NEB: variants seen among roughly 807,000 people sequenced by gnomAD.
NEB encodes the protein nebulin.
NEB carries 512 observed loss-of-function variants against 952.2 expected under a neutral mutation model. That is an observed-to-expected ratio of 0.54 (90% CI 0.50 to 0.58). The LOEUF is 0.58. Ranked by LOEUF, NEB falls within the 20% of genes least tolerant of loss-of-function variation. The pLI is 0.00. For missense variants in NEB, 8,428 were observed against 9,231.1 expected (o/e 0.91, Z 3.56); for synonymous variants, 2,900 against 3,149.8 (o/e 0.92, Z 2.66).
chr2:151,510,354 G>A (rs1266101242), intron 161 of NEB, among the ~76,000 whole-genome samples: 1 of 152,152 alleles, frequency 6.6e-6, no homozygotes, highest in Non-Finnish European at 1.5e-5. Flanking sequence ...GAAACTTTTG[G>A]TGGGCTTTTG....
intron 10 of NEB, among the ~76,000 whole-genome samples, chr2:151,715,232 T>C (rs572334924): frequency 1.3e-5 from 2 of 152,328 alleles, no homozygotes; most frequent in African/African-American, 4.8e-5. Context: ...AGGAAACATG[T>C]GGGAAATAAC....
Position 151,612,312 on chromosome 2 carries a change from C to T in NEB, c.11679G>A (p.Val3893=), listed in dbSNP as rs62174706. 2 of 1,613,746 alleles carry T rather than the reference C, an allele frequency of 1.2e-6. No individual in the cohort carries two copies. Among genetic ancestry groups the T allele is most frequent in the Admixed American group, 3.3e-5 (2 of 59,986 alleles). The change falls in exon 78 of 182, where the codon GTG becomes GTA. Residue 3893 remains valine, a synonymous_variant. Coordinates refer to ENST00000397345, the MANE Select transcript of NEB (RefSeq NM_001164508.2). The part of the protein sequence containing the change: ...VPIGSVEVEK[V]KRAGEILSDR... ...CACTCAGGATTTCTCCAGCTCTCTTCACTTTCTCGACCTCTACAGAGCCAA... is the reference window on the plus strand; with the variant it reads ...CACTCAGGATTTCTCCAGCTCTCTTTACTTTCTCGACCTCTACAGAGCCAA...
chr2:151,526,412 G>C (rs2085948989), intron 148 of NEB, 150 bp from the exon 149 acceptor site: 1 of 656,738 alleles, frequency 1.5e-6, no homozygotes, highest in East Asian at 2.7e-5. Context: ...ATATTCAAAA[G>C]GGTTTTTTCC....
At chr2:151,707,288 CAAAG>C (rs1319357978) in intron 12 of NEB, among the ~76,000 whole-genome samples, 1 of 152,062 alleles carries the variant, frequency 6.6e-6, no homozygotes, top group Non-Finnish European at 1.5e-5. Context: ...TCCTTGCCCT[CAAAG>C]AGAGAGATAC....
At chr2:151,486,176 C>T (rs1013905021) in intron 181 of NEB, 14 of 447,020 alleles carry the variant, frequency 3.1e-5, no homozygotes, top group African/African-American at 2.0e-4. Context: ...CTTCCCCCAC[C>T]AAAAGAGGCA....
intron 54 of NEB, among the ~76,000 whole-genome samples, chr2:151,649,324 C>T (rs977413130): frequency 1.3e-5 from 2 of 152,130 alleles, no homozygotes; most frequent in Admixed American, 6.5e-5. Flanking sequence ...TATCAATGCT[C>T]ATTCTAAGCT....
At chr2:151,716,553 T>C (rs545305923) in intron 10 of NEB, among the ~76,000 whole-genome samples, 1 of 152,306 alleles carries the variant, frequency 6.6e-6, no homozygotes, top group Admixed American at 6.5e-5. Context: ...TTTACTATAC[T>C]TACTAGATCC....
rs2099543051 is a variant in NEB at position 151,690,838 on chromosome 2, A to T, written c.2212-13T>A. On this transcript the variant is annotated splice_polypyrimidine_tract_variant and intron_variant, in intron 23 of 181. Transcript: ENST00000397345. ...CTTTGTAGGTATGCTAGAAAAGAAG[A>T]TGTTCTTTAATGAAATATCAGTATA... 6.6e-7 allele frequency: 1 copy of T among 1,516,476 alleles called. No homozygotes were observed. Among genetic ancestry groups the T allele is most frequent in the East Asian group, 2.4e-5 (1 of 42,124 alleles). The allele number at this position is 1,516,476 out of a possible 1,614,324, so 93.9% of individuals were successfully genotyped here. A position where few individuals can be genotyped will look rare whatever the true frequency, so the allele number is the denominator to read the frequency against.
At chr2:151,553,774 G>T in intron 126 of NEB, 54 bp downstream of exon 126, 1 of 1,506,894 alleles carries the variant, frequency 6.6e-7, no homozygotes, top group Non-Finnish European at 9.0e-7. Context: ...CTGCCTTCTG[G>T]GTGGGGCCGT....
chr2:151,489,308 T>C (rs993175182), intron 181 of NEB, among the ~76,000 whole-genome samples: 4 of 152,190 alleles, frequency 2.6e-5, no homozygotes, highest in African/African-American at 9.7e-5. Flanking sequence ...TCTGGTGAAC[T>C]GTGAAGATGA....
Position 151,662,181 on chromosome 2 carries a change from G to A in NEB, c.5924C>T (p.Ser1975Leu), listed in dbSNP as rs772257977. The change falls in exon 46 of 182, where the codon TCG (serine) becomes TTG (leucine). Residue 1975 changes from serine (S) to leucine (L), a missense_variant. Coordinates refer to ENST00000397345, the MANE Select transcript of NEB (RefSeq NM_001164508.2). ...ATTCTGGGCCAAAACCATGTTCATCGAGTCCATGAGTGTGGAATACTTCAA... is the reference window on the plus strand; with the variant it reads ...ATTCTGGGCCAAAACCATGTTCATCAAGTCCATGAGTGTGGAATACTTCAA... ...DTLKYSTLMD[S>L]MNMVLAQNNA... The A allele has an allele frequency of 4.1e-5, 66 of 1,612,834 alleles. No homozygotes were observed. The highest frequency in any genetic ancestry group is 5.0e-5 in the Non-Finnish European group (59 of 1,179,374).
At chr2:151,642,516 A>G in intron 60 of NEB, 58 bp downstream of exon 60, 1 of 1,416,754 alleles carries the variant, frequency 7.1e-7, no homozygotes, top group South Asian at 1.3e-5. Flanking sequence ...TAAATCCAGG[A>G]GAGAGAAATA....
chr2:151,551,180 G>T (rs1307043430), intron 129 of NEB, among the ~76,000 whole-genome samples: 1 of 151,876 alleles, frequency 6.6e-6, no homozygotes, highest in Non-Finnish European at 1.5e-5. Context: ...TGTTGGCCAG[G>T]CTGGTCTCGA....
rs905023605 is a variant in NEB, at chr2:151,682,732, C to T, written c.2873G>A (p.Gly958Asp). ...GGACCCAAAAGGCACCCAGCCACAACCTTTCATCCAGCTATTGTAGTCAGC... is the reference window on the plus strand; with the variant it reads ...GGACCCAAAAGGCACCCAGCCACAATCTTTCATCCAGCTATTGTAGTCAGC... ...YKADYNSWMK[G>D]CGWVPFGSLE... The change falls in exon 29 of 182, where the codon GGT (glycine) becomes GAT (aspartate). Residue 958 changes from glycine to aspartate, a missense_variant. Transcript: ENST00000397345. The T allele has an allele frequency of 6.2e-7, 1 of 1,613,434 alleles. No individual in the cohort carries two copies. Among genetic ancestry groups the T allele is most frequent in the Non-Finnish European group, 8.5e-7 (1 of 1,179,578 alleles).
In NEB at chr2:151,675,282, CT is replaced by C. The variant is rs2099350864; in HGVS notation, c.3879+4del. The C allele has an allele frequency of 1.3e-6, 2 of 1,550,642 alleles. No homozygotes were observed. Among genetic ancestry groups the C allele is most frequent in the Non-Finnish European group, 1.8e-6 (2 of 1,134,592 alleles). Reference sequence around the variant, plus strand: ...ATTTCACATCCCAGCAAAGACCCTACTTACGTCACTTATATTGTAAGCATTG... The same window carrying C: ...ATTTCACATCCCAGCAAAGACCCTACTACGTCACTTATATTGTAAGCATTG... On this transcript the variant is annotated splice_donor_region_variant and intron_variant, in intron 35 of 181. Coordinates refer to ENST00000397345, the MANE Select transcript of NEB (RefSeq NM_001164508.2).
Position 151,729,657 on chromosome 2 carries a change from C to CTGTA in NEB, c.37-5_37-2dup, listed in dbSNP as rs1200926726. On this transcript the variant is annotated splice_acceptor_variant, in intron 3 of 181. Transcript: ENST00000397345. LOFTEE classifies it high-confidence loss of function. ...CGTAAACCACTTCTTCTGTGTAGTA[C>CTGTA]TGTAAATAGAGCACAAAGGCATTGG... 1.2e-6 allele frequency: 2 copies of CTGTA among 1,613,164 alleles called. No individual in the cohort carries two copies. Among genetic ancestry groups the CTGTA allele is most frequent in the African/African-American group, 2.7e-5 (2 of 74,874 alleles).
chr2:151,515,300 A>G (rs980983058), intron 157 of NEB, among the ~76,000 whole-genome samples: 4 of 152,242 alleles, frequency 2.6e-5, no homozygotes, highest in Non-Finnish European at 5.9e-5. Context: ...CAGAATTACA[A>G]GTCAGTGAGG....
rs781232760 is a variant in NEB, at chr2:151,614,357, C to G, written c.11520G>C (p.Lys3840Asn). 6.2e-7 allele frequency: 1 copy of G among 1,613,922 alleles called. No homozygotes were observed. The highest frequency in any genetic ancestry group is 8.5e-7 in the Non-Finnish European group (1 of 1,179,844). Residue 3840 changes from lysine to asparagine, a missense_variant, in exon 77 of 182, where the codon AAG becomes AAC. Physicochemically the swap from Lys to Asn is moderately conservative, Grantham distance 94. This residue lies in a region of NEB where 1,772 missense variants were observed against 1,960.3 expected (regional missense o/e 0.90). Coordinates refer to ENST00000397345, the MANE Select transcript of NEB (RefSeq NM_001164508.2). ...GGCAGGTCCATTCATGCAGGGGATGCTTGTAGTCTATGTCGCTTACAAGGA... is the reference window on the plus strand; with the variant it reads ...GGCAGGTCCATTCATGCAGGGGATGGTTGTAGTCTATGTCGCTTACAAGGA... ...CQILVSDIDYKHPLHEWTCLP... is the reference protein window; with the variant it reads ...CQILVSDIDYNHPLHEWTCLP...
chr2:151,695,695 G>A lies in NEB; in HGVS notation c.1570-13C>T. 1.3e-6 allele frequency: 2 copies of A among 1,570,620 alleles called. No homozygotes were observed. The highest frequency in any genetic ancestry group is 1.1e-5 in the South Asian group (1 of 89,472). On this transcript the variant is annotated splice_polypyrimidine_tract_variant and intron_variant, in intron 17 of 181. Transcript: ENST00000397345. ...CTTTGTAATTTAACTATGACAGAGA[G>A]AGAACCAATTAGTTCAGAAGAATTG...
Sources: allele counts gnomAD v4.1 joint callset (sites outside exome capture counted in the v4.1 genomes callset), GRCh38; gene constraint gnomAD v4.1.1; regional missense constraint gnomAD v4.1.1; transcripts MANE v1.5; gene names NCBI Gene and HGNC (gene_info 2026-07-23, HGNC 2026-07-21).